DMD: variants seen among roughly 807,000 people sequenced by gnomAD.
DMD encodes dystrophin, also known as mutant dystrophin.
DMD carries 63 observed loss-of-function variants against 330.1 expected under a neutral mutation model. The observed-to-expected ratio is 0.19, with a 90% CI of 0.16 to 0.24. DMD has a LOEUF of 0.24. Ranked by LOEUF, DMD falls within the 10% of genes least tolerant of loss-of-function variation. The pLI is 1.00. For missense variants in DMD, 3,344 were observed against 2,684.1 expected, an observed-to-expected ratio of 1.25 and a Z score of -5.43; for synonymous variants, 1,223 against 959.8, an observed-to-expected ratio of 1.27 and a Z score of -5.07.
intron 13 of DMD, among the ~76,000 whole-genome samples, chrX:32,590,653 A>C (rs2054805313): frequency 9.0e-6 from 1 of 111,494 alleles, no homozygotes; most frequent in African/African-American, 3.3e-5. Context: ...CTGCCCTCGG[A>C]CATCAGACTC....
chrX:32,433,628 A>C (rs1042174728), intron 29 of DMD, among the ~76,000 whole-genome samples: 3 of 111,371 alleles, frequency 2.7e-5, no homozygotes, highest in Non-Finnish European at 3.8e-5. Context: ...CAGTGAGCTG[A>C]GATTGCACCC....
At chrX:33,080,066 A>G (rs1004027061) in intron 1 of DMD, among the ~76,000 whole-genome samples, 1 of 112,468 alleles carries the variant, frequency 8.9e-6, no homozygotes, top group African/African-American at 3.2e-5. Context: ...GTATCTATCC[A>G]GTTTTAATTA....
intron 2 of DMD, among the ~76,000 whole-genome samples, chrX:32,897,907 G>A (rs1270190366): frequency 8.9e-6 from 1 of 111,844 alleles, no homozygotes; most frequent in East Asian, 2.8e-4. Context: ...AAATAAAGGG[G>A]ATGTCAGGCA....
intron 48 of DMD, among the ~76,000 whole-genome samples, chrX:31,869,388 C>G (rs2093852740): frequency 2.1e-5 from 2 of 93,543 alleles, no homozygotes; most frequent in South Asian, 1.1e-3. Context: ...TTTTGCATTT[C>G]TTTGTAAACG....
At chrX:32,688,178 G>C (rs373832396) in intron 9 of DMD, among the ~76,000 whole-genome samples, 2 of 110,445 alleles carry the variant, frequency 1.8e-5, no homozygotes, top group African/African-American at 6.6e-5. Context: ...TCTAGGAACC[G>C]ACAAATCCCA....
intron 50 of DMD, among the ~76,000 whole-genome samples, chrX:31,794,580 T>C (rs958843085): frequency 3.6e-5 from 4 of 112,216 alleles, no homozygotes; most frequent in Non-Finnish European, 7.5e-5. Context: ...TTTCTTGTTT[T>C]TTAAAATTAA....
At chrX:32,140,701 G>T (rs1446464268) in intron 44 of DMD, among the ~76,000 whole-genome samples, 2 of 111,438 alleles carry the variant, frequency 1.8e-5, no homozygotes, top group Non-Finnish European at 3.8e-5. Context: ...TTCTTACATG[G>T]AAGCAGAAGA....
chrX:32,738,404 A>G (rs776471352), intron 7 of DMD, among the ~76,000 whole-genome samples: 7 of 111,831 alleles, frequency 6.3e-5, no homozygotes, highest in African/African-American at 2.3e-4. Context: ...TATCTGTATA[A>G]TATGGGTAAA....
chrX:32,437,730 T>C (rs1354254838), intron 29 of DMD, among the ~76,000 whole-genome samples: 1 of 112,615 alleles, frequency 8.9e-6, no homozygotes, highest in Non-Finnish European at 1.9e-5. Flanking sequence ...TGCAAAACAC[T>C]GACTAGGAGA....
intron 1 of DMD, among the ~76,000 whole-genome samples, chrX:33,296,516 A>C (rs1376377872): frequency 9.0e-6 from 1 of 110,748 alleles, no homozygotes; most frequent in Admixed American, 9.7e-5. Context: ...TTATCATGAT[A>C]GGAGAATATA....
intron 55 of DMD, among the ~76,000 whole-genome samples, chrX:31,582,358 T>A (rs2076382244): frequency 9.0e-6 from 1 of 111,715 alleles, no homozygotes; most frequent in African/African-American, 3.3e-5. Context: ...GCCACATATA[T>A]CACTCAAGGA....
chrX:31,969,784 G>A (rs1054895493), intron 44 of DMD, among the ~76,000 whole-genome samples: 6 of 111,671 alleles, frequency 5.4e-5, no homozygotes, highest in Admixed American at 9.5e-5. Context: ...TCAGCAAACC[G>A]GTGACACGGT....
intron 48 of DMD, among the ~76,000 whole-genome samples, chrX:31,849,695 T>C (rs1380400920): frequency 4.5e-5 from 5 of 110,489 alleles, no homozygotes; most frequent in Non-Finnish European, 9.5e-5. Flanking sequence ...TGTTTTCCAA[T>C]TGATCTTCTA....
At chrX:32,394,916 C>CAAAAAAAAAAAAAAAAA (rs72234458) in intron 30 of DMD, among the ~76,000 whole-genome samples, 1 of 39,054 alleles carries the variant, frequency 2.6e-5, no homozygotes, top group Non-Finnish European at 5.0e-5. Flanking sequence ...AACAAAAAAA[C>CAAAAAAAAAAAAAAAAA]AAAAAAAAAA....
At chrX:31,161,440 C>T (rs1280577468) in intron 74 of DMD, among the ~76,000 whole-genome samples, 2 of 111,935 alleles carry the variant, frequency 1.8e-5, no homozygotes, top group African/African-American at 3.3e-5. Context: ...TGTCCTTGGG[C>T]AAATAGAATT....
intron 2 of DMD, among the ~76,000 whole-genome samples, chrX:32,989,183 A>G (rs915366272): frequency 8.9e-6 from 1 of 111,837 alleles, no homozygotes; most frequent in African/African-American, 3.2e-5. Context: ...GTCATTTCAA[A>G]CTTATGGTGA....
At chrX:32,883,473 T>C (rs778902595) in intron 2 of DMD, among the ~76,000 whole-genome samples, 50 of 111,102 alleles carry the variant, frequency 4.5e-4, no homozygotes, top group African/African-American at 1.6e-3. Flanking sequence ...TTTTAAAAAA[T>C]TGTCATTCTA....
chrX:32,398,400 G>A (rs922164607), intron 30 of DMD, among the ~76,000 whole-genome samples: 1 of 109,745 alleles, frequency 9.1e-6, no homozygotes, highest in African/African-American at 3.3e-5. Context: ...CCCCTACATT[G>A]TTCCTTGACA....
At chrX:31,485,846 A>G (rs1183549462) in intron 57 of DMD, among the ~76,000 whole-genome samples, 1 of 112,288 alleles carries the variant, frequency 8.9e-6, no homozygotes, top group Non-Finnish European at 1.9e-5. Flanking sequence ...GTTTTTCAGA[A>G]TAAAATCTGA....
Sources: gnomAD v4.1 joint callset for allele counts (sites outside exome capture counted in the v4.1 genomes callset) on GRCh38, gnomAD v4.1.1 for gene constraint, MANE v1.5 for transcripts, NCBI Gene and HGNC (gene_info 2026-07-23, HGNC 2026-07-21) for gene names.